TAF12: variants seen among roughly 807,000 people sequenced by gnomAD.
TAF12 encodes TATA-box binding protein associated factor 12, also known as transcription initiation factor TFIID subunit 12.
In TAF12, 3 loss-of-function variants were observed where a neutral mutation model predicts 20.8. That is an observed-to-expected ratio of 0.14 (90% CI 0.07 to 0.37). The LOEUF is 0.37. Ranked by LOEUF, TAF12 falls within the 10% of genes least tolerant of loss-of-function variation. The probability of loss-of-function intolerance (pLI) is 1.00; values close to 1 mark genes in which losing one functional copy is unlikely to be tolerated. For synonymous variants in TAF12, 69 were observed against 70.2 expected (o/e 0.98, Z 0.09); for missense variants, 131 against 197.9 (o/e 0.66, Z 2.03).
intron 1 of TAF12, among the ~76,000 whole-genome samples, chr1:28,635,267 TCCTC>T (rs1219703856): frequency 1.5e-5 from 2 of 131,464 alleles, no homozygotes; most frequent in African/African-American, 5.6e-5. Flanking sequence ...ACCACATCTA[TCCTC>T]CCTCCTTTTT....
Position 28,613,346 on chromosome 1 carries a change from C to A in TAF12, c.262G>T (p.Ala88Ser). 1 of 1,610,104 alleles carries A rather than the reference C, an allele frequency of 6.2e-7. No individual in the cohort carries two copies. Among genetic ancestry groups the A allele is most frequent in the South Asian group, 1.1e-5 (1 of 89,798 alleles). ...EDVEEMLLQI[A>S]DDFIESVVTA... ...ACCACACTCTCGATAAAATCATCAG[C>A]AATCTGCAGCAGCATCTGGGGAAGG... is the stretch of plus-strand genomic sequence containing the variant. The change falls in exon 4 of 6, where the codon GCT (alanine) becomes TCT (serine). Residue 88 changes from alanine (A) to serine (S), a missense_variant. Transcript: ENST00000373824.
chr1:28,621,681 A>T (rs1263238856), intron 2 of TAF12, among the ~76,000 whole-genome samples: 7 of 152,200 alleles, frequency 4.6e-5, no homozygotes, highest in African/African-American at 9.6e-5. Context: ...AGGAGTATAC[A>T]TTCAGGACAA....
intron 5 of TAF12, among the ~76,000 whole-genome samples, chr1:28,604,143 G>A (rs534037057): frequency 1.2e-4 from 18 of 152,200 alleles, no homozygotes; most frequent in African/African-American, 4.3e-4. Flanking sequence ...AACCTCAAGT[G>A]ATCCACCAGG....
In TAF12 at chr1:28,611,249, G is replaced by A. The variant is rs1016500364; in HGVS notation, c.361+1998C>T. On this transcript the variant is annotated intron_variant, in intron 4 of 5. Transcript: ENST00000373824. ...GATGGGAAGGGTAGGATTGGGGAAT[G>A]TGAAGCAGAATGGGAGGGTTGGGAG... 2.5e-4 allele frequency among the ~76,000 whole-genome samples: 37 copies of A among 146,118 alleles called. 1 individual carries two copies. Among genetic ancestry groups the A allele is most frequent in the Non-Finnish European group, 6.0e-5 (4 of 66,282 alleles).
rs564640075 is a variant in TAF12, at chr1:28,628,609, A to C, written c.-84-6444T>G. ...CAACCCTGATTATATTAAAAAAAAA[A>C]CCCACAGAATTATACACTTTAAATC... On this transcript the variant is annotated intron_variant, in intron 1 of 5. Transcript: ENST00000373824. 3.5e-3 allele frequency among the ~76,000 whole-genome samples: 535 copies of C among 152,050 alleles called. 2 individuals carry two copies. Among genetic ancestry groups the C allele is most frequent in the African/African-American group, 0.012 (492 of 41,462 alleles).
intron 1 of TAF12, among the ~76,000 whole-genome samples, 195 bp from the exon 2 acceptor site, chr1:28,622,360 G>GAAAAAA (rs1033224931): frequency 2.6e-5 from 2 of 77,988 alleles, no homozygotes; most frequent in East Asian, 3.1e-4. Flanking sequence ...TCTCTACCAA[G>GAAAAAA]AAAAAAAAAA....
intron 1 of TAF12, among the ~76,000 whole-genome samples, chr1:28,632,600 CAAGGCTCA>C (rs1210062759): frequency 6.6e-6 from 1 of 151,888 alleles, no homozygotes; most frequent in Non-Finnish European, 1.5e-5. Context: ...GTGAAAAAGG[CAAGGCTCA>C]AATGGCTGTA....
chr1:28,607,640 C>T lies in TAF12; in HGVS notation c.362-2180G>A, dbSNP rs1252640641. 2.6e-5 allele frequency among the ~76,000 whole-genome samples: 4 copies of T among 151,958 alleles called. No homozygotes were observed. The East Asian group carries it at 7.7e-4, about 29-fold the overall frequency. On this transcript the variant is annotated intron_variant, in intron 4 of 5. Coordinates refer to ENST00000373824, the MANE Select transcript of TAF12 (RefSeq NM_005644.4). The stretch of plus-strand genomic sequence containing the variant: ...TGAGCTGAGACGGCACCACTGCACT[C>T]TAGCCTAGGTGACAGAGCGAGACTC...
intron 4 of TAF12, 113 bp from the exon 5 acceptor site, chr1:28,605,573 CA>C: frequency 1.1e-6 from 1 of 932,326 alleles, no homozygotes. Context: ...CTACTAACTC[CA>C]CAAAGGGATT....
intron 2 of TAF12, 63 bp from the exon 3 acceptor site, chr1:28,618,093 C>G: frequency 1.4e-6 from 2 of 1,449,002 alleles, no homozygotes; most frequent in Non-Finnish European, 1.9e-6. Flanking sequence ...AATCATTACC[C>G]TGTAATGAAG....
At chr1:28,603,961 G>A (rs992256908) in intron 5 of TAF12, among the ~76,000 whole-genome samples, 1 of 151,002 alleles carries the variant, frequency 6.6e-6, no homozygotes, top group African/African-American at 2.4e-5. Context: ...CTGGAGTGCA[G>A]TGGCATGATT....
At chr1:28,635,191 C>T (rs1233496721) in intron 1 of TAF12, among the ~76,000 whole-genome samples, 11 of 142,572 alleles carry the variant, frequency 7.7e-5, no homozygotes, top group East Asian at 2.2e-4. Flanking sequence ...GATCGCGCCA[C>T]TGCACTCCAG....
intron 5 of TAF12, among the ~76,000 whole-genome samples, chr1:28,604,710 G>A (rs759428214): frequency 5.3e-5 from 8 of 152,196 alleles, no homozygotes; most frequent in Non-Finnish European, 2.9e-5. Flanking sequence ...CTGCCCAGTT[G>A]TGCCTGCTAA....
chr1:28,648,106 TG>T (rs1668246103), upstream of TAF12: 1 of 957,884 alleles, frequency 1.0e-6, no homozygotes, highest in South Asian at 4.8e-5. Flanking sequence ...ACTGCACGCC[TG>T]CCTGGGCTGC....
intron 5 of TAF12, among the ~76,000 whole-genome samples, chr1:28,604,113 C>G (rs749701413): frequency 6.6e-6 from 1 of 152,070 alleles, no homozygotes. Flanking sequence ...CTACATTGGC[C>G]GGGCTGGTGT....
chr1:28,605,513 G>C, intron 4 of TAF12, 53 bp from the exon 5 acceptor site: 2 of 1,567,232 alleles, frequency 1.3e-6, no homozygotes, highest in South Asian at 1.1e-5. Flanking sequence ...GCAGTACCAG[G>C]AGTGCAATGT....
chr1:28,645,152 C>T (rs1260348831), upstream of TAF12, among the ~76,000 whole-genome samples: 4 of 151,806 alleles, frequency 2.6e-5, no homozygotes, highest in African/African-American at 7.3e-5. Flanking sequence ...TCTCCTGCCT[C>T]AGCCTCCCAA....
intron 2 of TAF12, among the ~76,000 whole-genome samples, chr1:28,621,449 T>A (rs888137859): frequency 6.6e-5 from 10 of 152,180 alleles, no homozygotes; most frequent in African/African-American, 2.4e-4. Context: ...ACTTTTATCA[T>A]AGGAATAATG....
chr1:28,632,092 C>T (rs1667648987), intron 1 of TAF12, among the ~76,000 whole-genome samples: 1 of 152,130 alleles, frequency 6.6e-6, no homozygotes, highest in Admixed American at 6.6e-5. Context: ...ACATGTCCTT[C>T]AAATGGTGAA....
Sources: allele counts gnomAD v4.1 joint callset (sites outside exome capture counted in the v4.1 genomes callset), GRCh38; gene constraint gnomAD v4.1.1; transcripts MANE v1.5; gene names NCBI Gene and HGNC (gene_info 2026-07-23, HGNC 2026-07-21).